Variants in SIPA1L2 observed in about 807,000 individuals in gnomAD.
SIPA1L2 encodes signal-induced proliferation-associated 1-like protein 2.
Under a neutral mutation model 163.9 loss-of-function variants are expected in SIPA1L2, and 56 were observed. That is an observed-to-expected ratio of 0.34 (90% CI 0.28 to 0.43). SIPA1L2 has a LOEUF of 0.43. SIPA1L2 is among the 20% of genes least tolerant of loss of function. The pLI is 1.00. For synonymous variants in SIPA1L2, 877 were observed against 865.7 expected (o/e 1.01, Z -0.23); for missense variants, 1,974 against 2,193.5 (o/e 0.90, Z 2.00).
chr1:232,587,175 C>G (rs1573129161), intron 1 of SIPA1L2, among the ~76,000 whole-genome samples: 1 of 152,250 alleles, frequency 6.6e-6, no homozygotes, highest in Non-Finnish European at 1.5e-5. Context: ...TACACTTGCC[C>G]TAATTATTCA....
At chr1:232,628,918 T>C (rs965512326) in intron 1 of SIPA1L2, among the ~76,000 whole-genome samples, 1 of 149,566 alleles carries the variant, frequency 6.7e-6, no homozygotes, top group East Asian at 2.0e-4. Context: ...AGGGTTTTTT[T>C]CCTTGTTTTT....
rs757432965 is a variant in SIPA1L2 at position 232,514,667 on chromosome 1, T to C, written c.673A>G (p.Met225Val). ...YRVENYDHKA[M>V]VPFGFPEFFR... ...AATTCAGGGAACCCAAAAGGGACCATTGCTTTGTGGTCATAATTTTCTACT... is the reference window on the plus strand; with the variant it reads ...AATTCAGGGAACCCAAAAGGGACCACTGCTTTGTGGTCATAATTTTCTACT... Residue 225 changes from methionine (M) to valine (V), a missense_variant, in exon 3 of 23, where the codon ATG (methionine) becomes GTG (valine). By Grantham distance (21) the Met-to-Val change is conservative. Around this residue, in one of 3 missense-constraint regions of SIPA1L2, gnomAD observed 607 missense variants for 624.0 expected, o/e 0.97. Transcript: ENST00000674635. 1.9e-5 allele frequency: 31 copies of C among 1,614,088 alleles called. No individual in the cohort carries two copies. The highest frequency in any genetic ancestry group is 5.3e-5 in the African/African-American group (4 of 74,940).
chr1:232,579,258 A>G (rs995127950), intron 1 of SIPA1L2, among the ~76,000 whole-genome samples: 2 of 151,958 alleles, frequency 1.3e-5, no homozygotes, highest in African/African-American at 4.8e-5. Context: ...TACTGTTAGG[A>G]TGGATTTGCT....
At chr1:232,565,935 T>C (rs1659378656) in intron 2 of SIPA1L2, among the ~76,000 whole-genome samples, 2 of 152,202 alleles carry the variant, frequency 1.3e-5, no homozygotes, top group African/African-American at 4.8e-5. Flanking sequence ...AGAGAACTTT[T>C]ACCCTCCCAC....
Position 232,434,036 on chromosome 1 carries a change from G to T in SIPA1L2, c.4032-1565C>A, listed in dbSNP as rs77942833. On this transcript the variant is annotated intron_variant, in intron 15 of 22. Coordinates refer to ENST00000674635, the MANE Select transcript of SIPA1L2 (RefSeq NM_020808.5). Reference sequence around the variant, plus strand: ...AGCATAGGGTAAGCATTATATAAACGTAGTTACAGAAAGTGACCCAGCAAA... The same window carrying T: ...AGCATAGGGTAAGCATTATATAAACTTAGTTACAGAAAGTGACCCAGCAAA... 0.029 allele frequency among the ~76,000 whole-genome samples: 4,458 copies of T among 152,240 alleles called. 533 individuals are homozygous for T. In the East Asian group the frequency reaches 0.4, roughly 14 times the overall value.
chr1:232,602,741 C>T (rs867732406), intron 1 of SIPA1L2, among the ~76,000 whole-genome samples: 82 of 152,112 alleles, frequency 5.4e-4, no homozygotes, highest in African/African-American at 1.7e-3. Flanking sequence ...CAACTGGAGA[C>T]GGAGAGATGA....
At chr1:232,579,533 G>A (rs1660260290) in intron 1 of SIPA1L2, among the ~76,000 whole-genome samples, 1 of 152,226 alleles carries the variant, frequency 6.6e-6, no homozygotes, top group Admixed American at 6.5e-5. Flanking sequence ...TACAGGATAA[G>A]CAAGTGTCTG....
At chr1:232,478,688 ACT>A (rs1004732393) in intron 7 of SIPA1L2, among the ~76,000 whole-genome samples, 259 of 152,346 alleles carry the variant, frequency 1.7e-3, no homozygotes, top group African/African-American at 6.1e-3. Context: ...ACAAACTTTA[ACT>A]CTGGATTTAA....
At chr1:232,569,588 G>A (rs961386968) in intron 2 of SIPA1L2, among the ~76,000 whole-genome samples, 2 of 152,176 alleles carry the variant, frequency 1.3e-5, no homozygotes, top group African/African-American at 2.4e-5. Context: ...TGAGGCAGGC[G>A]AATCACCCGA....
In SIPA1L2 at chr1:232,514,001, T is replaced by C. The variant is rs1173435404; in HGVS notation, c.1339A>G (p.Ser447Gly). ...GESCSFESSL[S>G]SHCTNAGVSV... Reference sequence around the variant, plus strand: ...ACACCTGCATTTGTGCAGTGAGAGCTGAGTGACGATTCGAAAGAGCAGCTT... The same window carrying C: ...ACACCTGCATTTGTGCAGTGAGAGCCGAGTGACGATTCGAAAGAGCAGCTT... Residue 447 changes from serine to glycine, a missense_variant, in exon 3 of 23, where the codon AGC becomes GGC. Ser to Gly is a moderately conservative substitution (Grantham distance 56). Around this residue, in one of 3 missense-constraint regions of SIPA1L2, gnomAD observed 607 missense variants for 624.0 expected, o/e 0.97. Transcript: ENST00000674635. The C allele has an allele frequency of 8.1e-6, 13 of 1,614,112 alleles. No individual in the cohort carries two copies. The highest frequency in any genetic ancestry group is 6.7e-5 in the Admixed American group (4 of 60,008).
At chr1:232,552,172 A>T (rs1227266650) in intron 2 of SIPA1L2, among the ~76,000 whole-genome samples, 1 of 152,166 alleles carries the variant, frequency 6.6e-6, no homozygotes, top group Non-Finnish European at 1.5e-5. Flanking sequence ...AGAGAGGGTT[A>T]GATTTATATC....
Position 232,514,887 on chromosome 1 carries a change from T to C in SIPA1L2, c.453A>G (p.Arg151=), listed in dbSNP as rs1039579673. 3.1e-6 allele frequency: 5 copies of C among 1,614,046 alleles called. No individual in the cohort carries two copies. In the African/African-American group the frequency reaches 4.0e-5, roughly 13 times the overall value. The change falls in exon 3 of 23, where the codon AGA becomes AGG. Residue 151 remains arginine (R), a synonymous_variant. Coordinates refer to ENST00000674635, the MANE Select transcript of SIPA1L2 (RefSeq NM_020808.5). ...TCCTCTGTCTTATGGGGTGAAGTCC[T>C]CTTTGGGGGGAATGGACAAAGATGT... ...IGDIFVHSPQ[R]GLHPIRQRSN...
At chr1:232,476,058 G>C (rs990492769) in intron 7 of SIPA1L2, among the ~76,000 whole-genome samples, 3 of 152,146 alleles carry the variant, frequency 2.0e-5, no homozygotes, top group African/African-American at 7.2e-5. Flanking sequence ...GTATAGGCAG[G>C]ACCCAAGGCT....
In SIPA1L2 at chr1:232,441,765, T is replaced by C; in HGVS notation, c.3538+3A>G. On this transcript the variant is annotated splice_donor_region_variant and intron_variant, in intron 13 of 22. Transcript: ENST00000674635. ...AGGTCAATTTCCAGGAGTTCCTTAT[T>C]ACCCGGGTGCCTGCTTGCTTCCATG... 1 of 1,613,232 alleles carries C rather than the reference T, an allele frequency of 6.2e-7. No homozygotes were observed. The highest frequency in any genetic ancestry group is 1.1e-5 in the South Asian group (1 of 90,896).
chr1:232,503,407 A>G (rs1400376090), intron 3 of SIPA1L2, among the ~76,000 whole-genome samples: 2 of 152,222 alleles, frequency 1.3e-5, no homozygotes, highest in Non-Finnish European at 2.9e-5. Context: ...AGATACGGTG[A>G]TATCTTAGAA....
chr1:232,602,558 T>C (rs1055745901), intron 1 of SIPA1L2, among the ~76,000 whole-genome samples: 1 of 152,152 alleles, frequency 6.6e-6, no homozygotes, highest in Non-Finnish European at 1.5e-5. Flanking sequence ...CTTGAACTCC[T>C]GACCTCGTGA....
chr1:232,460,340 TATG>T (rs1558194045), intron 10 of SIPA1L2, among the ~76,000 whole-genome samples: 1 of 152,232 alleles, frequency 6.6e-6, no homozygotes, highest in Non-Finnish European at 1.5e-5. Flanking sequence ...CCTGACAGTT[TATG>T]ATAACGCCCT....
rs1015857110 is a variant in SIPA1L2 at position 232,529,715 on chromosome 1, T to C, written c.-269-14107A>G. 8.5e-4 allele frequency among the ~76,000 whole-genome samples: 130 copies of C among 152,318 alleles called. 1 individual carries two copies. The highest frequency in any genetic ancestry group is 2.6e-3 in the African/African-American group (109 of 41,562). ...CTGGAAAGCAGCAAGGATATCACGA[T>C]AGGGTGGCAAATCAGACATCACAAT... On this transcript the variant is annotated intron_variant, in intron 2 of 22. Transcript: ENST00000674635.
intron 15 of SIPA1L2, among the ~76,000 whole-genome samples, chr1:232,437,726 G>A (rs1446874928): frequency 6.6e-6 from 1 of 152,172 alleles, no homozygotes; most frequent in Non-Finnish European, 1.5e-5. Context: ...AGGAACATGT[G>A]AGGAGATACG....
Sources: gnomAD v4.1 joint callset for allele counts (sites outside exome capture counted in the v4.1 genomes callset) on GRCh38, gnomAD v4.1.1 for gene constraint, gnomAD v4.1.1 regional missense constraint, MANE v1.5 for transcripts, NCBI Gene and HGNC (gene_info 2026-07-23, HGNC 2026-07-21) for gene names.